Variants in BEND6 observed in about 807,000 individuals in gnomAD.
The protein encoded by BEND6 is BEN domain containing 6.
A neutral mutation model predicts 31.8 loss-of-function variants in BEND6; 24 were observed. That is an observed-to-expected ratio of 0.75 (90% CI 0.55 to 1.06). BEND6 has a LOEUF of 1.06. BEND6 is among the 50% of genes least tolerant of loss of function. The pLI is 0.00. For synonymous variants in BEND6, 109 were observed against 114.6 expected (o/e 0.95, Z 0.31); for missense variants, 294 against 327.4 (o/e 0.90, Z 0.79).
At chr6:56,981,506 A>G (rs1826067163) in intron 1 of BEND6, among the ~76,000 whole-genome samples, 1 of 152,232 alleles carries the variant, frequency 6.6e-6, no homozygotes, top group African/African-American at 2.4e-5. Flanking sequence ...AACTCACTGC[A>G]TATCACATCA....
intron 2 of BEND6, among the ~76,000 whole-genome samples, chr6:56,985,321 A>G (rs1475200655): frequency 6.6e-6 from 1 of 152,198 alleles, no homozygotes; most frequent in Non-Finnish European, 1.5e-5. Context: ...TGGCTTATAC[A>G]GGATGAAGTT....
chr6:57,005,086 A>C (rs879852742), intron 3 of BEND6, among the ~76,000 whole-genome samples: 1 of 152,196 alleles, frequency 6.6e-6, no homozygotes, highest in Non-Finnish European at 1.5e-5. Flanking sequence ...ATAGGTAATC[A>C]GGGGTGGCAA....
Position 57,017,187 on chromosome 6 carries a change from A to C in BEND6, c.520-20A>C, listed in dbSNP as rs374809214. 1.9e-6 allele frequency: 3 copies of C among 1,555,996 alleles called. No individual in the cohort carries two copies. Among genetic ancestry groups the C allele is most frequent in the East Asian group, 5.0e-5 (2 of 40,386 alleles). ...ACAGCACTTTCTTTTTCCAACTTCA[A>C]CTCTTTCTTATCTTTTTAGTTCCAG... On this transcript the variant is annotated intron_variant, in intron 4 of 6. Coordinates refer to ENST00000370746, the MANE Select transcript of BEND6 (RefSeq NM_152731.3).
intron 3 of BEND6, chr6:57,004,849 G>A (rs933809400): frequency 1.5e-6 from 1 of 662,108 alleles, no homozygotes; most frequent in African/African-American, 1.8e-5. Flanking sequence ...TGGGCAACAA[G>A]GAAATACAAA....
chr6:57,017,205 A>C lies in BEND6; in HGVS notation c.520-2A>C. The C allele has an allele frequency of 1.3e-6, 2 of 1,571,586 alleles. No homozygotes were observed. Among genetic ancestry groups the C allele is most frequent in the Non-Finnish European group, 1.7e-6 (2 of 1,160,774 alleles). On this transcript the variant is annotated splice_acceptor_variant, in intron 4 of 6. Transcript: ENST00000370746. LOFTEE classifies it high-confidence loss of function. ...AACTTCAACTCTTTCTTATCTTTTT[A>C]GTTCCAGATTGAAAAATGGCAGATT... is the stretch of plus-strand genomic sequence containing the variant.
intron 1 of BEND6, chr6:56,975,786 A>T (rs1219606921): frequency 1.9e-6 from 1 of 531,996 alleles, no homozygotes. Flanking sequence ...AGGAAGCTGG[A>T]TGCAAGTCCT....
At position 56,967,187 on chromosome 6, in the gene BEND6, GT is replaced by G. The variant is rs548600436; in HGVS notation, c.-101+11729del. On this transcript the variant is annotated intron_variant, in intron 1 of 6. Coordinates refer to ENST00000370746, the MANE Select transcript of BEND6 (RefSeq NM_152731.3). ...GCCCTGCCATGTTGTATCAGTCAGA[GT>G]TCTGGCAAGAAATAGATGGCCCACT... 3.6e-3 allele frequency among the ~76,000 whole-genome samples: 554 copies of G among 152,316 alleles called. 3 individuals carry two copies. Among genetic ancestry groups the G allele is most frequent in the African/African-American group, 0.013 (528 of 41,570 alleles).
At chr6:56,997,213 GTTC>G (rs1454019757) in intron 3 of BEND6, among the ~76,000 whole-genome samples, 4 of 152,094 alleles carry the variant, frequency 2.6e-5, no homozygotes, top group African/African-American at 7.2e-5. Context: ...TGCCTAGAAT[GTTC>G]TTCTTCCAGT....
chr6:56,981,437 CTGTT>C (rs1379097165), intron 1 of BEND6, among the ~76,000 whole-genome samples: 1 of 152,050 alleles, frequency 6.6e-6, no homozygotes, highest in Admixed American at 6.5e-5. Context: ...CATAATATAA[CTGTT>C]TGACAAGAAA....
intron 1 of BEND6, among the ~76,000 whole-genome samples, chr6:56,956,699 T>G (rs1467523961): frequency 6.6e-6 from 1 of 152,234 alleles, no homozygotes; most frequent in Non-Finnish European, 1.5e-5. Flanking sequence ...CAGGATAGGC[T>G]TCATGGGTCT....
At chr6:56,991,383 C>T (rs903787417) in intron 2 of BEND6, among the ~76,000 whole-genome samples, 6 of 149,846 alleles carry the variant, frequency 4.0e-5, no homozygotes, top group Non-Finnish European at 7.4e-5. Context: ...TTAATTTTTA[C>T]GTTGTTTTTG....
chr6:57,012,192 C>T (rs1428051272), intron 3 of BEND6, among the ~76,000 whole-genome samples: 4 of 151,828 alleles, frequency 2.6e-5, no homozygotes, highest in Admixed American at 6.6e-5. Flanking sequence ...AATAGCCCAT[C>T]GACAGGTGAA....
Position 56,955,369 on chromosome 6 carries a change from G to A in BEND6, c.-192G>A, listed in dbSNP as rs1824657614. On this transcript the variant is annotated 5_prime_UTR_variant, in exon 1 of 7. Coordinates refer to ENST00000370746, the MANE Select transcript of BEND6 (RefSeq NM_152731.3). ...CAAGGAGCCAGGGGGAAAACCGAGA[G>A]GCGCTGACAGGAGCCTCCCGGCGGT... The A allele has an allele frequency of 6.6e-6, 1 of 152,308 alleles. No individual in the cohort carries two copies. The highest frequency in any genetic ancestry group is 2.4e-5 in the African/African-American group (1 of 41,464). 9.4% of individuals were successfully genotyped at this position (152,308 alleles called of 1,614,324 possible). A position where few individuals can be genotyped will look rare whatever the true frequency, so the allele number is the denominator to read the frequency against.
chr6:56,955,785 C>T (rs969386830), intron 1 of BEND6, among the ~76,000 whole-genome samples: 3 of 152,218 alleles, frequency 2.0e-5, no homozygotes, highest in African/African-American at 7.2e-5. Context: ...TAAGTTGGTA[C>T]TTGGCTTATA....
chr6:56,986,286 G>A (rs78875306), intron 2 of BEND6, among the ~76,000 whole-genome samples: 3 of 151,630 alleles, frequency 2.0e-5, no homozygotes, highest in African/African-American at 7.3e-5. Context: ...TAAAATAAAG[G>A]TGAGGGCCAG....
At chr6:56,955,914 A>C (rs1236107391) in intron 1 of BEND6, among the ~76,000 whole-genome samples, 1 of 152,238 alleles carries the variant, frequency 6.6e-6, no homozygotes, top group Non-Finnish European at 1.5e-5. Flanking sequence ...AGCAAAAAGT[A>C]TATGGCAGTT....
intron 6 of BEND6, 149 bp downstream of exon 6, chr6:57,018,706 A>AGAACTGGG (rs1827647257): frequency 1.2e-6 from 1 of 823,338 alleles, no homozygotes. Context: ...GCAAAAGGGG[A>AGAACTGGG]GAACTGGGAG....
At chr6:57,019,105 G>T (rs1031269767) in intron 6 of BEND6, among the ~76,000 whole-genome samples, 1 of 152,146 alleles carries the variant, frequency 6.6e-6, no homozygotes, top group Non-Finnish European at 1.5e-5. Flanking sequence ...GCTTCGCATG[G>T]TCTTTAAATT....
chr6:56,966,460 A>G (rs1283811681), intron 1 of BEND6, among the ~76,000 whole-genome samples: 1 of 152,208 alleles, frequency 6.6e-6, no homozygotes, highest in Non-Finnish European at 1.5e-5. Context: ...GTAGTAACAC[A>G]ATAATAGCCA....
Sources: allele counts gnomAD v4.1 joint callset (sites outside exome capture counted in the v4.1 genomes callset), GRCh38; gene constraint gnomAD v4.1.1; transcripts MANE v1.5; gene names NCBI Gene and HGNC (gene_info 2026-07-23, HGNC 2026-07-21).